XKR6: variants seen among roughly 807,000 people sequenced by gnomAD.
XKR6 encodes the protein XK related 6.
XKR6 carries 22 observed loss-of-function variants against 56.7 expected under a neutral mutation model. That is an observed-to-expected ratio of 0.39 (90% CI 0.28 to 0.55). XKR6 has a LOEUF of 0.55. Among genes scored for constraint, XKR6 ranks in the 20% least tolerant of loss-of-function variants. The pLI is 0.66. For synonymous variants in XKR6, 524 were observed against 387.8 expected, an observed-to-expected ratio of 1.35 and a Z score of -4.13; for missense variants, 852 against 889.0, an observed-to-expected ratio of 0.96 and a Z score of 0.53.
intron 1 of XKR6, among the ~76,000 whole-genome samples, chr8:11,087,093 A>G (rs1390735256): frequency 6.6e-6 from 1 of 151,538 alleles, no homozygotes; most frequent in Non-Finnish European, 1.5e-5. Flanking sequence ...CCCTCACTCT[A>G]CTCTGTTTCT....
chr8:11,024,663 C>T (rs115140411), intron 1 of XKR6, among the ~76,000 whole-genome samples: 4 of 152,322 alleles, frequency 2.6e-5, no homozygotes, highest in African/African-American at 9.6e-5. Flanking sequence ...TTTGAGGCAA[C>T]CTTGCTCCCA....
chr8:11,169,123 T>C (rs1315721033), intron 1 of XKR6, among the ~76,000 whole-genome samples: 8 of 152,152 alleles, frequency 5.3e-5, no homozygotes, highest in Non-Finnish European at 1.2e-4. Context: ...AGTCAGCACA[T>C]TCCTTCCCTG....
intron 1 of XKR6, among the ~76,000 whole-genome samples, chr8:11,177,139 G>A (rs533536630): frequency 6.6e-6 from 1 of 152,308 alleles, no homozygotes; most frequent in Non-Finnish European, 1.5e-5. Flanking sequence ...AGGTTGAAAT[G>A]ATGGAAAACG....
intron 1 of XKR6, among the ~76,000 whole-genome samples, chr8:11,185,485 G>GT: frequency 6.6e-6 from 1 of 152,250 alleles, no homozygotes; most frequent in South Asian, 2.1e-4. Flanking sequence ...ACTGTATGGG[G>GT]TTTTAGAGTA....
intron 1 of XKR6, among the ~76,000 whole-genome samples, chr8:11,097,399 C>T (rs946199627): frequency 3.3e-5 from 5 of 151,858 alleles, no homozygotes; most frequent in African/African-American, 1.2e-4. Flanking sequence ...GAGCAATATG[C>T]CACTTTGAAC....
intron 1 of XKR6, among the ~76,000 whole-genome samples, chr8:11,121,401 A>C (rs542470843): frequency 6.6e-6 from 1 of 152,368 alleles, no homozygotes; most frequent in Non-Finnish European, 1.5e-5. Context: ...ACTTCTCAAA[A>C]GACATTTATG....
At chr8:11,055,265 G>A (rs564134051) in intron 1 of XKR6, among the ~76,000 whole-genome samples, 1 of 152,130 alleles carries the variant, frequency 6.6e-6, no homozygotes, top group South Asian at 2.1e-4. Context: ...TCACTAAGAG[G>A]AAACATGGAG....
chr8:11,176,907 GCCACTGACAA>G (rs1802686393), intron 1 of XKR6, among the ~76,000 whole-genome samples: 1 of 152,304 alleles, frequency 6.6e-6, no homozygotes, highest in East Asian at 1.9e-4. Context: ...ATCCAGCAGT[GCCACTGACAA>G]CCACTTTCAG....
chr8:11,086,776 T>A (rs1797906642), intron 1 of XKR6, among the ~76,000 whole-genome samples: 1 of 152,282 alleles, frequency 6.6e-6, no homozygotes, highest in Non-Finnish European at 1.5e-5. Context: ...AGACTTCAAA[T>A]GAAAAGTAAG....
At chr8:11,099,135 C>T (rs1798371893) in intron 1 of XKR6, among the ~76,000 whole-genome samples, 1 of 152,200 alleles carries the variant, frequency 6.6e-6, no homozygotes, top group South Asian at 2.1e-4. Flanking sequence ...AAGAGGCAGG[C>T]ACCCTATTAC....
At chr8:11,120,011 A>G (rs1037728024) in intron 1 of XKR6, among the ~76,000 whole-genome samples, 2 of 152,222 alleles carry the variant, frequency 1.3e-5, no homozygotes, top group Non-Finnish European at 2.9e-5. Flanking sequence ...ACTCTCAATA[A>G]ATTAGGTATT....
intron 1 of XKR6, among the ~76,000 whole-genome samples, chr8:11,095,086 C>A (rs1024258995): frequency 1.3e-5 from 2 of 152,154 alleles, no homozygotes; most frequent in African/African-American, 2.4e-5. Flanking sequence ...AGGCAAATTT[C>A]CTTATAAAAT....
At chr8:11,193,751 C>CA (rs1803714948) in intron 1 of XKR6, among the ~76,000 whole-genome samples, 1 of 111,180 alleles carries the variant, frequency 9.0e-6, no homozygotes, top group African/African-American at 3.3e-5. Context: ...CCCCCCCCCC[C>CA]ACAAAAGAAA....
At chr8:11,116,297 A>G (rs1799169145) in intron 1 of XKR6, among the ~76,000 whole-genome samples, 1 of 152,190 alleles carries the variant, frequency 6.6e-6, no homozygotes, top group Admixed American at 6.5e-5. Flanking sequence ...AAACATGCTC[A>G]TCTATGTATC....
intron 1 of XKR6, among the ~76,000 whole-genome samples, chr8:11,026,587 C>A (rs1045128894): frequency 1.3e-4 from 20 of 150,844 alleles, no homozygotes; most frequent in African/African-American, 4.4e-4. Flanking sequence ...CTACTACACA[C>A]CTAGATGGTC....
chr8:10,941,735 G>A (rs2129123822), intron 1 of XKR6, among the ~76,000 whole-genome samples: 1 of 152,336 alleles, frequency 6.6e-6, no homozygotes, highest in African/African-American at 2.4e-5. Flanking sequence ...TGAGTGCTGT[G>A]GAGGTTGTGA....
intron 1 of XKR6, among the ~76,000 whole-genome samples, chr8:11,061,340 C>T (rs140000960): frequency 6.6e-6 from 1 of 152,092 alleles, no homozygotes; most frequent in East Asian, 1.9e-4. Context: ...ATGGTGTGCA[C>T]CTGTAGTCCC....
intron 1 of XKR6, among the ~76,000 whole-genome samples, chr8:11,069,227 T>G (rs1800056413): frequency 6.7e-6 from 1 of 148,984 alleles, no homozygotes; most frequent in African/African-American, 2.5e-5. Context: ...CTCTCCAACC[T>G]GAAAAGATAT....
At chr8:10,926,500 C>A (rs901373696) in intron 1 of XKR6, among the ~76,000 whole-genome samples, 4 of 152,228 alleles carry the variant, frequency 2.6e-5, no homozygotes, top group Non-Finnish European at 5.9e-5. Context: ...CCAGACCCAC[C>A]CCCTGTGGTG....
Sources: allele counts gnomAD v4.1 joint callset (sites outside exome capture counted in the v4.1 genomes callset), GRCh38; gene constraint gnomAD v4.1.1; transcripts MANE v1.5; gene names NCBI Gene and HGNC (gene_info 2026-07-23, HGNC 2026-07-21).